Variants in PHACTR1 observed in about 807,000 individuals in gnomAD.
PHACTR1 encodes RPEL repeat containing 1.
Under a neutral mutation model 69.2 loss-of-function variants are expected in PHACTR1, and 16 were observed. The observed-to-expected ratio is 0.23, with a 90% CI of 0.16 to 0.35. PHACTR1 has a LOEUF of 0.35. Among genes scored for constraint, PHACTR1 ranks in the 10% least tolerant of loss-of-function variants. PHACTR1 has a pLI of 1.00. For missense variants in PHACTR1, 510 were observed against 734.7 expected (o/e 0.69, Z 3.54); for synonymous variants, 312 against 284.5 (o/e 1.10, Z -0.97).
intron 3 of PHACTR1, among the ~76,000 whole-genome samples, chr6:12,736,128 T>C (rs1482774476): frequency 6.6e-6 from 1 of 152,206 alleles, no homozygotes. Context: ...TGTTCCAGGA[T>C]CTATGTACTA....
intron 3 of PHACTR1, among the ~76,000 whole-genome samples, chr6:12,739,751 G>A (rs565146502): frequency 6.6e-6 from 1 of 152,112 alleles, no homozygotes; most frequent in Non-Finnish European, 1.5e-5. Flanking sequence ...GCCCAAGCAG[G>A]TCTCAAACTC....
chr6:12,777,868 G>A (rs1160653215), intron 4 of PHACTR1, among the ~76,000 whole-genome samples: 1 of 152,124 alleles, frequency 6.6e-6, no homozygotes, highest in African/African-American at 2.4e-5. Context: ...CTGACCTCAG[G>A]TGATCCACCT....
chr6:12,876,562 TCTC>T (rs928950966), intron 4 of PHACTR1, among the ~76,000 whole-genome samples: 119 of 152,280 alleles, frequency 7.8e-4, no homozygotes, highest in African/African-American at 2.5e-3. Flanking sequence ...AGGGAGGACT[TCTC>T]CTGCAAGGCC....
At chr6:13,100,699 A>G (rs1815016951) in intron 5 of PHACTR1, among the ~76,000 whole-genome samples, 1 of 152,216 alleles carries the variant, frequency 6.6e-6, no homozygotes, top group Admixed American at 6.5e-5. Flanking sequence ...TCCTCTGTGG[A>G]GTTGAATTAA....
At chr6:12,871,718 C>T (rs901552431) in intron 4 of PHACTR1, among the ~76,000 whole-genome samples, 2 of 152,120 alleles carry the variant, frequency 1.3e-5, no homozygotes, top group African/African-American at 4.8e-5. Context: ...AGTGTCAGCC[C>T]GATCCATCCA....
chr6:13,166,270 C>T (rs539106115), intron 6 of PHACTR1, among the ~76,000 whole-genome samples: 1 of 152,210 alleles, frequency 6.6e-6, no homozygotes, highest in Non-Finnish European at 1.5e-5. Context: ...CCTCCTTCTT[C>T]CTTTTTTCTT....
intron 11 of PHACTR1, among the ~76,000 whole-genome samples, chr6:13,276,537 T>C (rs9349548): frequency 0.65 from 98,337 of 152,146 alleles, 33,578 homozygotes; most frequent in Non-Finnish European, 0.78. Flanking sequence ...TCTGGGAGGC[T>C]GAGGCGGGTG....
At chr6:12,857,058 A>G (rs989422889) in intron 4 of PHACTR1, among the ~76,000 whole-genome samples, 1 of 152,176 alleles carries the variant, frequency 6.6e-6, no homozygotes, top group Non-Finnish European at 1.5e-5. Context: ...TAAAAAAAGT[A>G]TGACTCCTGA....
chr6:12,745,980 G>A (rs889877784), intron 3 of PHACTR1, among the ~76,000 whole-genome samples: 4 of 152,120 alleles, frequency 2.6e-5, no homozygotes, highest in Non-Finnish European at 5.9e-5. Context: ...TATGAAAAGA[G>A]GTCATGAATA....
At chr6:13,109,501 G>T (rs1381026997) in intron 5 of PHACTR1, among the ~76,000 whole-genome samples, 1 of 151,632 alleles carries the variant, frequency 6.6e-6, no homozygotes, top group Non-Finnish European at 1.5e-5. Flanking sequence ...AGTCAAAGAT[G>T]ATTCTTATCT....
chr6:12,722,020 T>C (rs1010050102), intron 3 of PHACTR1, among the ~76,000 whole-genome samples: 2 of 152,180 alleles, frequency 1.3e-5, no homozygotes, highest in African/African-American at 4.8e-5. Flanking sequence ...GCTGAATCAC[T>C]CCACCACATG....
At chr6:13,044,521 C>T (rs568637161) in intron 4 of PHACTR1, among the ~76,000 whole-genome samples, 2 of 152,272 alleles carry the variant, frequency 1.3e-5, no homozygotes, top group Admixed American at 6.5e-5. Context: ...AGATGCAATG[C>T]TCTGATTGGC....
chr6:13,280,732 C>G (rs1458406967), intron 12 of PHACTR1: 2 of 328,390 alleles, frequency 6.1e-6, no homozygotes, highest in African/African-American at 2.2e-5. Context: ...AAAAGACATG[C>G]CTGCGGCCAG....
intron 5 of PHACTR1, among the ~76,000 whole-genome samples, chr6:13,155,346 A>T (rs189102679): frequency 6.6e-6 from 1 of 152,214 alleles, no homozygotes; most frequent in East Asian, 1.9e-4. Context: ...CCACTATCTC[A>T]TCTCACTGCT....
At chr6:13,130,904 C>T (rs1419371699) in intron 5 of PHACTR1, among the ~76,000 whole-genome samples, 2 of 151,932 alleles carry the variant, frequency 1.3e-5, no homozygotes, top group African/African-American at 4.8e-5. Flanking sequence ...TGCAAAAATC[C>T]TTAAGAAAAT....
rs77940395 is a variant in PHACTR1, at chr6:13,254,502, G to A, written c.1392-18358G>A. On this transcript the variant is annotated intron_variant, in intron 10 of 14. Transcript: ENST00000332995. ...ATCACCAGGATTGATGTGGTTATAT[G>A]ACTATCAAAGCAAGTGTCTCCTTCC... Among the ~76,000 whole-genome samples, 929 of 152,294 alleles carry A rather than the reference G, an allele frequency of 6.1e-3. 4 individuals carry two copies. The highest frequency in any genetic ancestry group is 0.014 in the Middle Eastern group (4 of 294).
intron 12 of PHACTR1, among the ~76,000 whole-genome samples, chr6:13,282,988 A>G (rs766970606): frequency 2.4e-4 from 36 of 152,222 alleles, no homozygotes; most frequent in African/African-American, 8.2e-4. Context: ...CTATACTGAA[A>G]TATACACAGA....
chr6:13,136,663 A>G (rs1821595627), intron 5 of PHACTR1, among the ~76,000 whole-genome samples: 2 of 151,258 alleles, frequency 1.3e-5, no homozygotes, highest in Non-Finnish European at 2.9e-5. Flanking sequence ...TTTTGATTTA[A>G]TATGAAAGAT....
chr6:13,234,266 GCCCTGAGGGC>G (rs1390720164), intron 10 of PHACTR1, among the ~76,000 whole-genome samples: 1 of 152,206 alleles, frequency 6.6e-6, no homozygotes, highest in East Asian at 1.9e-4. Context: ...CTAGTCATTT[GCCCTGAGGGC>G]ATTAGACTAG....
Sources: gnomAD v4.1 joint callset for allele counts (sites outside exome capture counted in the v4.1 genomes callset) on GRCh38, gnomAD v4.1.1 for gene constraint, MANE v1.5 for transcripts, NCBI Gene and HGNC (gene_info 2026-07-23, HGNC 2026-07-21) for gene names.